CNTNAP2: variants seen among roughly 807,000 people sequenced by gnomAD.
CNTNAP2 encodes contactin-associated protein-like 2.
In CNTNAP2, 98 loss-of-function variants were observed where a neutral mutation model predicts 155.2. The ratio of observed to expected loss-of-function variants is 0.63; its 90% CI spans 0.54 to 0.75. CNTNAP2 has a LOEUF of 0.75. CNTNAP2 is among the 30% of genes least tolerant of loss of function. The probability of loss-of-function intolerance (pLI) is 0.00; values close to 1 mark genes in which losing one functional copy is unlikely to be tolerated. For synonymous variants in CNTNAP2, 651 were observed against 631.2 expected (o/e 1.03, Z -0.47); for missense variants, 1,727 against 1,688.1 (o/e 1.02, Z -0.40).
intron 1 of CNTNAP2, among the ~76,000 whole-genome samples, chr7:146,376,823 T>C (rs1365749773): frequency 6.6e-6 from 1 of 152,054 alleles, no homozygotes; most frequent in Admixed American, 6.6e-5. Flanking sequence ...AAATCCTAAT[T>C]TTAGGGCTCA....
chr7:147,508,081 T>G (rs1483124639), intron 11 of CNTNAP2, among the ~76,000 whole-genome samples: 1 of 152,184 alleles, frequency 6.6e-6, no homozygotes, highest in Non-Finnish European at 1.5e-5. Flanking sequence ...TACATAGTGA[T>G]TCCTTCATCC....
chr7:147,366,429 A>C (rs990208983), intron 9 of CNTNAP2, among the ~76,000 whole-genome samples: 1 of 151,880 alleles, frequency 6.6e-6, no homozygotes, highest in Non-Finnish European at 1.5e-5. Flanking sequence ...TAATTTTCTC[A>C]TAATTTCCTT....
chr7:147,828,186 G>A (rs956198083), intron 13 of CNTNAP2, among the ~76,000 whole-genome samples: 14 of 152,128 alleles, frequency 9.2e-5, no homozygotes, highest in African/African-American at 3.4e-4. Flanking sequence ...TCATTCTAGA[G>A]CTTTGTTCAC....
intron 1 of CNTNAP2, among the ~76,000 whole-genome samples, chr7:146,445,927 CT>C (rs1357924779): frequency 6.6e-6 from 1 of 152,012 alleles, no homozygotes; most frequent in Non-Finnish European, 1.5e-5. Flanking sequence ...ACAGGCAACC[CT>C]AAGAAGATAT....
intron 1 of CNTNAP2, among the ~76,000 whole-genome samples, chr7:146,490,512 G>A (rs1318015795): frequency 6.6e-6 from 1 of 152,276 alleles, no homozygotes; most frequent in African/African-American, 2.4e-5. Context: ...GCTGATAAAT[G>A]TTTGTTGAGT....
At position 147,107,962 on chromosome 7, in the gene CNTNAP2, C is replaced by T. The variant is rs76659639; in HGVS notation, c.551-185C>T. 0.019 allele frequency among the ~76,000 whole-genome samples: 2,862 copies of T among 152,188 alleles called. 76 individuals carry two copies. The highest frequency in any genetic ancestry group is 0.062 in the African/African-American group (2,582 of 41,542). ...TTTTATGAGCATTTTTATCAATACT[C>T]TCCATAAAACCTCCTTTAAAACAAA... On this transcript the variant is annotated intron_variant, in intron 4 of 23. Transcript: ENST00000361727.
intron 18 of CNTNAP2, among the ~76,000 whole-genome samples, chr7:148,172,686 G>A (rs1003281851): frequency 6.6e-6 from 1 of 152,118 alleles, no homozygotes; most frequent in East Asian, 1.9e-4. Context: ...TCTGTGTATG[G>A]TGCAGAATTT....
intron 9 of CNTNAP2, among the ~76,000 whole-genome samples, chr7:147,334,795 C>T (rs1000851625): frequency 2.6e-5 from 4 of 152,014 alleles, no homozygotes; most frequent in Admixed American, 6.6e-5. Flanking sequence ...TGTGTGAAAA[C>T]GAGGGAAGGG....
chr7:147,188,199 C>T (rs1414560085), intron 8 of CNTNAP2, among the ~76,000 whole-genome samples: 1 of 152,118 alleles, frequency 6.6e-6, no homozygotes, highest in African/African-American at 2.4e-5. Flanking sequence ...AATTGTCTCT[C>T]CCCTTGGAAA....
intron 8 of CNTNAP2, among the ~76,000 whole-genome samples, chr7:147,213,524 C>T (rs1317495178): frequency 6.6e-6 from 1 of 151,664 alleles, no homozygotes; most frequent in Non-Finnish European, 1.5e-5. Flanking sequence ...CACAAATGCC[C>T]TTTTTCCTGT....
At chr7:146,975,897 C>T (rs1797900611) in intron 3 of CNTNAP2, among the ~76,000 whole-genome samples, 1 of 152,096 alleles carries the variant, frequency 6.6e-6, no homozygotes, top group Non-Finnish European at 1.5e-5. Flanking sequence ...CAGCAAATCC[C>T]AGGGAAGGAT....
intron 2 of CNTNAP2, among the ~76,000 whole-genome samples, chr7:146,803,722 A>T (rs951439052): frequency 6.6e-6 from 1 of 152,236 alleles, no homozygotes; most frequent in Non-Finnish European, 1.5e-5. Flanking sequence ...TAAAAGTGGC[A>T]GTGAATTATT....
At chr7:146,915,497 T>A (rs566940420) in intron 3 of CNTNAP2, among the ~76,000 whole-genome samples, 1 of 152,238 alleles carries the variant, frequency 6.6e-6, no homozygotes, top group East Asian at 1.9e-4. Flanking sequence ...TTCAGCAGTG[T>A]TTTGTAATTT....
At chr7:146,884,086 C>G (rs1795607507) in intron 3 of CNTNAP2, among the ~76,000 whole-genome samples, 1 of 151,836 alleles carries the variant, frequency 6.6e-6, no homozygotes, top group Non-Finnish European at 1.5e-5. Flanking sequence ...TATAATTGTC[C>G]CTGGGTATAT....
chr7:146,968,230 T>G (rs1001076544), intron 3 of CNTNAP2, among the ~76,000 whole-genome samples: 5 of 152,072 alleles, frequency 3.3e-5, no homozygotes, highest in Non-Finnish European at 7.4e-5. Flanking sequence ...TATTGCGGAT[T>G]TTTGCATCAA....
rs1800099041 is a variant in CNTNAP2, at chr7:148,420,859, C to T, written c.*5243C>T. 1 of 152,606 alleles carries T rather than the reference C, an allele frequency of 6.6e-6. No individual in the cohort carries two copies. The highest frequency in any genetic ancestry group is 1.5e-5 in the Non-Finnish European group (1 of 68,026). The allele number at this position is 152,606 out of a possible 1,614,324, so 9.5% of individuals were successfully genotyped here. On this transcript the variant is annotated 3_prime_UTR_variant, in exon 24 of 24. Coordinates refer to ENST00000361727, the MANE Select transcript of CNTNAP2 (RefSeq NM_014141.6). ...ACAAAATTTCACTCTCTAAAAGCAA[C>T]AGCATGTAAACTAGAATGAAAGAAG...
intron 1 of CNTNAP2, among the ~76,000 whole-genome samples, chr7:146,648,779 A>G (rs1285338236): frequency 1.3e-5 from 2 of 152,142 alleles, no homozygotes; most frequent in Non-Finnish European, 2.9e-5. Flanking sequence ...TGATGCATTT[A>G]ATTTAATTTA....
chr7:147,534,601 G>T (rs1030669544), intron 11 of CNTNAP2, among the ~76,000 whole-genome samples: 5 of 152,078 alleles, frequency 3.3e-5, no homozygotes, highest in African/African-American at 1.2e-4. Context: ...TCTTTTGCAG[G>T]TATGCAAAAC....
intron 1 of CNTNAP2, among the ~76,000 whole-genome samples, chr7:146,424,661 G>A (rs531569526): frequency 6.6e-6 from 1 of 152,198 alleles, no homozygotes; most frequent in Non-Finnish European, 1.5e-5. Context: ...TCCGTGTAGG[G>A]AACTATTTAC....
Sources: allele counts gnomAD v4.1 joint callset (sites outside exome capture counted in the v4.1 genomes callset), GRCh38; gene constraint gnomAD v4.1.1; transcripts MANE v1.5; gene names NCBI Gene and HGNC (gene_info 2026-07-23, HGNC 2026-07-21).